EYS: variants seen among roughly 807,000 people sequenced by gnomAD.
EYS encodes the protein protein eyes shut homolog.
A neutral mutation model predicts 282.1 loss-of-function variants in EYS; 250 were observed. The ratio of observed to expected loss-of-function variants is 0.89; its 90% CI spans 0.80 to 0.98. The LOEUF (loss-of-function observed/expected upper bound fraction) is 0.98, where lower values mean the gene tolerates loss of function less well. Ranked by LOEUF, EYS falls within the 50% of genes least tolerant of loss-of-function variation. The pLI is 0.00. For synonymous variants in EYS, 1,355 were observed against 1,282.9 expected, an observed-to-expected ratio of 1.06 and a Z score of -1.20; for missense variants, 4,016 against 3,709.0, an observed-to-expected ratio of 1.08 and a Z score of -2.15.
chr6:64,145,627 A>T (rs2150290853), intron 31 of EYS, among the ~76,000 whole-genome samples: 1 of 152,072 alleles, frequency 6.6e-6, no homozygotes, highest in Admixed American at 6.5e-5. Flanking sequence ...CATGCTTAAA[A>T]TTTAAAACCT....
chr6:65,010,777 C>T (rs890505039), intron 13 of EYS, among the ~76,000 whole-genome samples: 3 of 152,166 alleles, frequency 2.0e-5, no homozygotes, highest in Non-Finnish European at 4.4e-5. Flanking sequence ...CTTACCTAGT[C>T]CTCCATGCCC....
intron 12 of EYS, among the ~76,000 whole-genome samples, chr6:65,113,884 A>G (rs72879849): frequency 0.26 from 39,770 of 151,856 alleles, 6,384 homozygotes; most frequent in African/African-American, 0.45. Flanking sequence ...AGTCTTTTCT[A>G]AAGCCAGATT....
chr6:64,789,029 T>C (rs1774103763), intron 22 of EYS, among the ~76,000 whole-genome samples: 1 of 152,106 alleles, frequency 6.6e-6, no homozygotes, highest in Non-Finnish European at 1.5e-5. Context: ...ACTTATTCAA[T>C]TCAAACACTG....
rs535187803 is a variant in EYS, at chr6:64,130,950, C to T, written c.6425-48948G>A. Among the ~76,000 whole-genome samples the T allele has an allele frequency of 2.6e-5, 4 of 152,286 alleles. No individual in the cohort carries two copies. The South Asian group carries it at 8.3e-4, about 32-fold the overall frequency. On this transcript the variant is annotated intron_variant, in intron 31 of 42. Transcript: ENST00000503581. ...TGGCGTGATCTCAGCTCATTGCAAC[C>T]TCCGCCTCCTGGGTTCAAGCGATTC...
intron 29 of EYS, among the ~76,000 whole-genome samples, chr6:64,310,654 A>G (rs1295419335): frequency 1.3e-5 from 2 of 152,294 alleles, no homozygotes; most frequent in Admixed American, 6.5e-5. Flanking sequence ...TAATACCTCA[A>G]TGATGAAATA....
chr6:64,507,574 A>C (rs1777251108), intron 26 of EYS, among the ~76,000 whole-genome samples: 1 of 152,200 alleles, frequency 6.6e-6, no homozygotes, highest in Non-Finnish European at 1.5e-5. Context: ...AAGAGACTGC[A>C]TCATATTGTT....
chr6:64,075,461 TA>T (rs1771736644), intron 32 of EYS, among the ~76,000 whole-genome samples: 1 of 151,960 alleles, frequency 6.6e-6, no homozygotes, highest in South Asian at 2.1e-4. Context: ...TAATTGTGCC[TA>T]ACCAGTAAAA....
At chr6:64,085,903 T>C (rs1375257939) in intron 31 of EYS, among the ~76,000 whole-genome samples, 1 of 152,212 alleles carries the variant, frequency 6.6e-6, no homozygotes, top group African/African-American at 2.4e-5. Context: ...TGTTAGCAAG[T>C]TCTTCATCGG....
At chr6:63,893,423 T>C (rs321513) in intron 35 of EYS, among the ~76,000 whole-genome samples, 151,207 of 152,250 alleles carry the variant, frequency 0.99, 75,093 homozygotes, top group Non-Finnish European at 1. Flanking sequence ...TCTTGTCCTG[T>C]GCAGGGACAA....
intron 1 of EYS, among the ~76,000 whole-genome samples, chr6:65,694,859 T>C (rs912922262): frequency 6.6e-6 from 1 of 151,968 alleles, no homozygotes; most frequent in African/African-American, 2.4e-5. Flanking sequence ...CTTCAAAGTG[T>C]TTAATAATCT....
chr6:65,106,010 A>G (rs938933623), intron 12 of EYS, among the ~76,000 whole-genome samples: 5 of 151,998 alleles, frequency 3.3e-5, no homozygotes, highest in Non-Finnish European at 7.4e-5. Flanking sequence ...AGGTGTTAGC[A>G]GGCTAGTTCT....
chr6:65,374,160 T>C (rs946148128), intron 8 of EYS, among the ~76,000 whole-genome samples: 1 of 152,144 alleles, frequency 6.6e-6, no homozygotes. Flanking sequence ...AGGTGATTTC[T>C]AATTTCTGTA....
chr6:65,270,959 G>C (rs528916021), intron 12 of EYS, among the ~76,000 whole-genome samples: 85 of 151,262 alleles, frequency 5.6e-4, no homozygotes, highest in Non-Finnish European at 9.0e-4. Context: ...GTCTTTAAAA[G>C]TCTCTTCACA....
chr6:64,135,990 G>T (rs1262020418), intron 31 of EYS, among the ~76,000 whole-genome samples: 1 of 151,924 alleles, frequency 6.6e-6, no homozygotes, highest in Non-Finnish European at 1.5e-5. Flanking sequence ...CAGTTTGATG[G>T]CATTTTACCC....
chr6:65,584,837 AC>A (rs1764988420), intron 2 of EYS, among the ~76,000 whole-genome samples: 1 of 151,076 alleles, frequency 6.6e-6, no homozygotes, highest in Non-Finnish European at 1.5e-5. Flanking sequence ...ATGTATACAC[AC>A]AAATACAATT....
intron 31 of EYS, among the ~76,000 whole-genome samples, chr6:64,110,004 C>A (rs1773153418): frequency 6.6e-6 from 1 of 152,058 alleles, no homozygotes; most frequent in Non-Finnish European, 1.5e-5. Context: ...TCTTAGAAAT[C>A]ACAGCTAGAG....
intron 22 of EYS, among the ~76,000 whole-genome samples, chr6:64,696,533 C>A (rs909225519): frequency 9.2e-5 from 14 of 152,048 alleles, no homozygotes; most frequent in African/African-American, 2.9e-4. Context: ...CAAGAAGGAC[C>A]TCACCATGAC....
chr6:64,312,169 C>A (rs1366222067), intron 29 of EYS, among the ~76,000 whole-genome samples: 1 of 151,960 alleles, frequency 6.6e-6, no homozygotes, highest in African/African-American at 2.4e-5. Flanking sequence ...CTGAGGTCGA[C>A]CTAGGATGCT....
rs9453151 is a variant in EYS, at chr6:65,010,963, G to A, written c.2138-13260C>T. On this transcript the variant is annotated intron_variant, in intron 13 of 42. Coordinates refer to ENST00000503581, the MANE Select transcript of EYS (RefSeq NM_001142800.2). ...GGAAAATAGAAGAGAACCGCCAAGC[G>A]GATATTGAAGCCAAAAGAGCCACAA... Among the ~76,000 whole-genome samples the A allele has an allele frequency of 1.9e-3, 290 of 152,208 alleles. 2 individuals carry two copies. Among genetic ancestry groups the A allele is most frequent in the African/African-American group, 6.7e-3 (278 of 41,514 alleles).
Sources: allele counts gnomAD v4.1 joint callset (sites outside exome capture counted in the v4.1 genomes callset), GRCh38; gene constraint gnomAD v4.1.1; transcripts MANE v1.5; gene names NCBI Gene and HGNC (gene_info 2026-07-23, HGNC 2026-07-21).